The following ANO1 variants were observed in gnomAD, a reference collection of about 807,000 sequenced individuals.
The protein encoded by ANO1 is anoctamin-1.
Under a neutral mutation model 124.0 loss-of-function variants are expected in ANO1, and 59 were observed. The ratio of observed to expected loss-of-function variants is 0.48; its 90% CI spans 0.39 to 0.59. The LOEUF is 0.59. ANO1 is among the 20% of genes least tolerant of loss of function. ANO1 has a pLI of 0.00. For synonymous variants in ANO1, 529 were observed against 532.0 expected, an observed-to-expected ratio of 0.99 and a Z score of 0.08; for missense variants, 1,059 against 1,328.0, an observed-to-expected ratio of 0.80 and a Z score of 3.15.
chr11:70,160,450 C>G (rs892389264), intron 16 of ANO1, among the ~76,000 whole-genome samples: 1 of 152,208 alleles, frequency 6.6e-6, no homozygotes, highest in African/African-American at 2.4e-5. Context: ...ACCACGGTTT[C>G]TCAGGCAACC....
chr11:70,079,186 G>C (rs1002010630), intron 1 of ANO1, among the ~76,000 whole-genome samples: 1 of 152,124 alleles, frequency 6.6e-6, no homozygotes, highest in Admixed American at 6.5e-5. Flanking sequence ...GATGGTAACT[G>C]CCAGGCCCCA....
At chr11:69,996,266 G>A (rs1554998339) in intron 1 of ANO1, among the ~76,000 whole-genome samples, 7 of 152,148 alleles carry the variant, frequency 4.6e-5, no homozygotes. Flanking sequence ...TCCTTAACTA[G>A]TATGTTCACA....
exon 1 of ANO1, chr11:69,985,975 G>C (rs1856031821): frequency 1.3e-5 from 2 of 152,134 alleles, no homozygotes; most frequent in Non-Finnish European, 2.9e-5. Context: ...GAGGAGAGAG[G>C]GGACAGTCCC....
At chr11:70,051,194 G>A (rs1451854750) in intron 1 of ANO1, among the ~76,000 whole-genome samples, 2 of 152,022 alleles carry the variant, frequency 1.3e-5, no homozygotes, top group African/African-American at 4.8e-5. Context: ...TCATTACCCT[G>A]CACCCATCAC....
chr11:70,187,421 G>A (rs780274430), intron 25 of ANO1, among the ~76,000 whole-genome samples: 2 of 152,144 alleles, frequency 1.3e-5, no homozygotes, highest in Non-Finnish European at 2.9e-5. Context: ...CCAAAGGCTC[G>A]ATGCTCGTTA....
At chr11:70,174,892 C>T (rs2048626333) in intron 22 of ANO1, among the ~76,000 whole-genome samples, 1 of 146,180 alleles carries the variant, frequency 6.8e-6, no homozygotes, top group Non-Finnish European at 1.5e-5. Flanking sequence ...CATCCCATTC[C>T]AGCAGGTACA....
At chr11:70,128,702 G>T (rs1442287711) in intron 10 of ANO1, among the ~76,000 whole-genome samples, 2 of 152,344 alleles carry the variant, frequency 1.3e-5, no homozygotes, top group African/African-American at 4.8e-5. Context: ...GCATGGAGCC[G>T]CCTGCTGCCC....
intron 1 of ANO1, among the ~76,000 whole-genome samples, chr11:70,086,569 C>T (rs111489159): frequency 5.3e-5 from 8 of 152,334 alleles, no homozygotes; most frequent in South Asian, 2.1e-4. Flanking sequence ...GGTGACTGAC[C>T]GTGCAGGTGC....
intron 1 of ANO1, among the ~76,000 whole-genome samples, chr11:70,067,726 C>T (rs1857767444): frequency 6.6e-6 from 1 of 152,182 alleles, no homozygotes; most frequent in Non-Finnish European, 1.5e-5. Context: ...CAAGGCCCTT[C>T]CCAGCCTTCC....
chr11:70,113,434 G>A (rs1256905618), intron 7 of ANO1, among the ~76,000 whole-genome samples: 1 of 152,216 alleles, frequency 6.6e-6, no homozygotes, highest in Middle Eastern at 3.4e-3. Context: ...CAGTGGCTCC[G>A]GGTTCCTGCC....
chr11:69,978,188 TG>T, the ANO1 span, among the ~76,000 whole-genome samples: 1 of 151,980 alleles, frequency 6.6e-6, no homozygotes, highest in Non-Finnish European at 1.5e-5. Flanking sequence ...TGGAAGGGGG[TG>T]GCATTTGGAG....
chr11:70,010,254 T>C (rs1856577937), intron 1 of ANO1, among the ~76,000 whole-genome samples: 1 of 149,562 alleles, frequency 6.7e-6, no homozygotes, highest in African/African-American at 2.5e-5. Context: ...TTTCATATTT[T>C]TGCAATTGAG....
intron 1 of ANO1, among the ~76,000 whole-genome samples, chr11:70,037,815 A>G (rs1591050067): frequency 6.6e-6 from 1 of 151,902 alleles, no homozygotes; most frequent in Non-Finnish European, 1.5e-5. Context: ...TCTCACATCA[A>G]CCCCTGGGAT....
chr11:70,124,359 G>C lies in ANO1; in HGVS notation c.907G>C (p.Glu303Gln). The change falls in exon 9 of 26, where the codon GAA becomes CAA. Residue 303 changes from glutamate to glutamine, a missense_variant. Transcript: ENST00000355303. ...VEFNDRKLLY[E>Q]EWARYGVFYK... is the part of the protein sequence containing the mutation. ...GCTTCCTCCCCCTCAGCTCCTGTACGAAGAGTGGGCACGCTATGGAGTTTT... is the reference window on the plus strand; with the variant it reads ...GCTTCCTCCCCCTCAGCTCCTGTACCAAGAGTGGGCACGCTATGGAGTTTT... 5 of 1,613,836 alleles carry C rather than the reference G, an allele frequency of 3.1e-6. No individual in the cohort carries two copies. Among genetic ancestry groups the C allele is most frequent in the Non-Finnish European group, 4.2e-6 (5 of 1,179,878 alleles).
intron 1 of ANO1, among the ~76,000 whole-genome samples, chr11:70,071,545 G>A (rs1198180868): frequency 6.6e-5 from 10 of 152,114 alleles, no homozygotes; most frequent in East Asian, 1.9e-4. Context: ...AAGATATGCC[G>A]TAAAGTAAAA....
rs559108076 is a variant in ANO1, at chr11:70,086,163, C to T, written c.109-1589C>T. 2.7e-3 allele frequency among the ~76,000 whole-genome samples: 416 copies of T among 152,316 alleles called. 1 individual carries two copies. Among genetic ancestry groups the T allele is most frequent in the Non-Finnish European group, 4.6e-3 (311 of 68,022 alleles). Reference sequence around the variant, plus strand: ...TGAGGTGGAAACCAGGCGGCCAGCTCGAGGGATGAGGCACAGCTCTGTGGA... The same window carrying T: ...TGAGGTGGAAACCAGGCGGCCAGCTTGAGGGATGAGGCACAGCTCTGTGGA... On this transcript the variant is annotated intron_variant, in intron 1 of 25. Transcript: ENST00000355303.
At chr11:70,040,481 G>A (rs1036229702) in intron 1 of ANO1, among the ~76,000 whole-genome samples, 13 of 152,098 alleles carry the variant, frequency 8.5e-5, no homozygotes, top group African/African-American at 2.9e-4. Context: ...GTTCGAGAGT[G>A]GCCTGGCCAA....
At chr11:70,135,111 C>T (rs2046906272) in intron 11 of ANO1, among the ~76,000 whole-genome samples, 1 of 152,100 alleles carries the variant, frequency 6.6e-6, no homozygotes, top group African/African-American at 2.4e-5. Flanking sequence ...GGAAGGGCAC[C>T]TATGGGAAGG....
chr11:70,073,203 C>T (rs545913457), intron 1 of ANO1, among the ~76,000 whole-genome samples: 3 of 151,400 alleles, frequency 2.0e-5, no homozygotes, highest in Non-Finnish European at 3.0e-5. Flanking sequence ...TGTCCCGCTG[C>T]GGGGAGTCCG....
Sources: gnomAD v4.1 joint callset for allele counts (sites outside exome capture counted in the v4.1 genomes callset) on GRCh38, gnomAD v4.1.1 for gene constraint, MANE v1.5 for transcripts, NCBI Gene and HGNC (gene_info 2026-07-23, HGNC 2026-07-21) for gene names.